The following SLC12A6 variants were observed in gnomAD, a reference collection of about 807,000 sequenced individuals.
The protein encoded by SLC12A6 is K-Cl cotransporter 3.
A neutral mutation model predicts 135.3 loss-of-function variants in SLC12A6; 66 were observed. That is an observed-to-expected ratio of 0.49 (90% CI 0.40 to 0.60). The LOEUF (loss-of-function observed/expected upper bound fraction) is 0.60. Ranked by LOEUF, SLC12A6 falls within the 20% of genes least tolerant of loss-of-function variation. The pLI, the probability that SLC12A6 is intolerant of heterozygous loss-of-function variation, is 0.00. For synonymous variants in SLC12A6, 513 were observed against 508.8 expected (o/e 1.01, Z -0.11); for missense variants, 1,058 against 1,452.3 (o/e 0.73, Z 4.41).
chr15:34,282,178 A>C (rs1894734333), intron 2 of SLC12A6, among the ~76,000 whole-genome samples: 1 of 152,148 alleles, frequency 6.6e-6, no homozygotes, highest in Non-Finnish European at 1.5e-5. Flanking sequence ...TTAGTATATT[A>C]ATAGGGATTT....
intron 22 of SLC12A6, 142 bp downstream of exon 22, chr15:34,237,277 G>GTTTTTTTTTTTTTTT: frequency 3.4e-6 from 2 of 586,494 alleles, no homozygotes; most frequent in Non-Finnish European, 5.7e-6. Context: ...ACAAATTAGG[G>GTTTTTTTTTTTTTTT]TTTTTTTTTG....
intron 16 of SLC12A6, among the ~76,000 whole-genome samples, chr15:34,243,490 G>A (rs1339702680): frequency 6.6e-6 from 1 of 152,188 alleles, no homozygotes; most frequent in Non-Finnish European, 1.5e-5. Flanking sequence ...AGCAGCAACA[G>A]TTCATTGAGA....
chr15:34,261,283 T>G (rs1258712613), intron 3 of SLC12A6, among the ~76,000 whole-genome samples: 1 of 152,066 alleles, frequency 6.6e-6, no homozygotes, highest in East Asian at 1.9e-4. Context: ...GCTATTCTTT[T>G]GGAATTCCAG....
intron 4 of SLC12A6, among the ~76,000 whole-genome samples, chr15:34,260,689 A>C (rs1052230840): frequency 1.3e-5 from 2 of 152,244 alleles, no homozygotes; most frequent in Non-Finnish European, 2.9e-5. Flanking sequence ...TTGCAAGGTA[A>C]TCTATATGTC....
At chr15:34,282,283 T>C (rs777113949) in intron 2 of SLC12A6, among the ~76,000 whole-genome samples, 2 of 152,214 alleles carry the variant, frequency 1.3e-5, no homozygotes, top group Non-Finnish European at 2.9e-5. Context: ...TCTCATACCC[T>C]TCAAAATGCT....
intron 2 of SLC12A6, among the ~76,000 whole-genome samples, chr15:34,319,524 C>T (rs566268642): frequency 2.6e-4 from 39 of 152,178 alleles, no homozygotes; most frequent in African/African-American, 8.9e-4. Context: ...TACGGCTGTG[C>T]GCCGTTGCTC....
chr15:34,246,153 G>A (rs1049823814), intron 13 of SLC12A6, among the ~76,000 whole-genome samples: 1 of 152,000 alleles, frequency 6.6e-6, no homozygotes, highest in Non-Finnish European at 1.5e-5. Context: ...GGCTGGTCTC[G>A]AACTCTTGGC....
chr15:34,299,557 C>T (rs1043843456), intron 2 of SLC12A6: 4 of 152,024 alleles, frequency 2.6e-5, no homozygotes, highest in Non-Finnish European at 4.4e-5. Flanking sequence ...AGTATGGTAG[C>T]GTGTACATTA....
At chr15:34,310,090 C>A (rs997694057) in intron 2 of SLC12A6, among the ~76,000 whole-genome samples, 2 of 151,536 alleles carry the variant, frequency 1.3e-5, no homozygotes, top group East Asian at 3.9e-4. Flanking sequence ...ATTACTGCAG[C>A]CTCCACCTCC....
At chr15:34,238,425 G>C (rs750307244) in intron 20 of SLC12A6, 24 bp from the exon 21 acceptor site, 1 of 1,594,888 alleles carries the variant, frequency 6.3e-7, no homozygotes, top group East Asian at 2.2e-5. Context: ...AGAATAAGCA[G>C]AGAAGAATCC....
chr15:34,265,248 T>C lies in SLC12A6; in HGVS notation c.317-4228A>G, dbSNP rs368698054. 3.3e-5 allele frequency among the ~76,000 whole-genome samples: 5 copies of C among 152,016 alleles called. No individual in the cohort carries two copies. The East Asian group carries it at 9.7e-4, about 29-fold the overall frequency. On this transcript the variant is annotated intron_variant, in intron 3 of 25. Transcript: ENST00000354181. ...TCACCACTTCTGAGTAATTCATTTA[T>C]TCAACTAATATTTATTAAATTCCTA...
At chr15:34,262,907 T>C (rs954399257) in intron 3 of SLC12A6, among the ~76,000 whole-genome samples, 17 of 152,146 alleles carry the variant, frequency 1.1e-4, no homozygotes, top group African/African-American at 4.1e-4. Flanking sequence ...GCAGGATGAA[T>C]AGACAGGGCA....
intron 2 of SLC12A6, among the ~76,000 whole-genome samples, chr15:34,294,875 C>A (rs1895777396): frequency 6.6e-6 from 1 of 152,194 alleles, no homozygotes; most frequent in Non-Finnish European, 1.5e-5. Context: ...GTTTAATGAC[C>A]TGCTAAATAA....
At chr15:34,315,955 C>A (rs1214375041) in intron 2 of SLC12A6, among the ~76,000 whole-genome samples, 2 of 151,454 alleles carry the variant, frequency 1.3e-5, no homozygotes, top group African/African-American at 4.9e-5. Context: ...CAAAACAAAA[C>A]AAAAAAAACA....
chr15:34,260,509 CG>C (rs1244985267), intron 4 of SLC12A6, among the ~76,000 whole-genome samples: 1 of 152,198 alleles, frequency 6.6e-6, no homozygotes, highest in Admixed American at 6.5e-5. Context: ...CCACCCGCCT[CG>C]GCCTCCCAAA....
Position 34,238,178 on chromosome 15 carries a change from G to C in SLC12A6, c.2802+54C>G, listed in dbSNP as rs1202467580. 7 of 1,255,728 alleles carry C rather than the reference G, an allele frequency of 5.6e-6. No homozygotes were observed. The East Asian group carries it at 1.2e-4, about 21-fold the overall frequency. The allele number at this position is 1,255,728 out of a possible 1,614,324, so 77.8% of individuals were successfully genotyped here. A position where few individuals can be genotyped will look rare whatever the true frequency, so the allele number is the denominator to read the frequency against. ...CAGAGGAAGAATTTGTCTGTCCTGTGAACCAGGACAGAAGGGAGAAAGACT... is the reference window on the plus strand; with the variant it reads ...CAGAGGAAGAATTTGTCTGTCCTGTCAACCAGGACAGAAGGGAGAAAGACT... On this transcript the variant is annotated intron_variant, in intron 21 of 25. Transcript: ENST00000354181.
chr15:34,332,593 G>T (rs1482746914), intron 2 of SLC12A6, among the ~76,000 whole-genome samples: 3 of 152,098 alleles, frequency 2.0e-5, no homozygotes, highest in Non-Finnish European at 4.4e-5. Context: ...AGACCAGCCT[G>T]GCCAACATGG....
chr15:34,260,866 T>C (rs904195610), intron 4 of SLC12A6, 60 bp downstream of exon 4: 9 of 798,910 alleles, frequency 1.1e-5, no homozygotes, highest in Non-Finnish European at 1.8e-5. Flanking sequence ...GGGTAAAATA[T>C]GGCTATCATG....
At chr15:34,321,518 G>T (rs1007914091) in intron 2 of SLC12A6, among the ~76,000 whole-genome samples, 1 of 152,150 alleles carries the variant, frequency 6.6e-6, no homozygotes, top group Non-Finnish European at 1.5e-5. Flanking sequence ...GGAACAAAAA[G>T]AACTTTCATA....
Sources: allele counts gnomAD v4.1 joint callset (sites outside exome capture counted in the v4.1 genomes callset), GRCh38; gene constraint gnomAD v4.1.1; transcripts MANE v1.5; gene names NCBI Gene and HGNC (gene_info 2026-07-23, HGNC 2026-07-21).